PDE1C: variants seen among roughly 807,000 people sequenced by gnomAD.
PDE1C encodes the protein phosphodiesterase 1C.
Under a neutral mutation model 93.1 loss-of-function variants are expected in PDE1C, and 62 were observed. The observed-to-expected ratio is 0.67, with a 90% CI of 0.54 to 0.82. PDE1C has a LOEUF of 0.82. Ranked by LOEUF, PDE1C falls within the 40% of genes least tolerant of loss-of-function variation. PDE1C has a pLI of 0.00. For missense variants in PDE1C, 742 were observed against 884.6 expected, an observed-to-expected ratio of 0.84 and a Z score of 2.04; for synonymous variants, 325 against 310.1, an observed-to-expected ratio of 1.05 and a Z score of -0.50.
the PDE1C span, among the ~76,000 whole-genome samples, chr7:31,649,279 T>C: frequency 6.6e-6 from 1 of 152,152 alleles, no homozygotes; most frequent in African/African-American, 2.4e-5. Flanking sequence ...ATGTTGGCCA[T>C]GTAGTTTAGA....
intron 2 of PDE1C, among the ~76,000 whole-genome samples, chr7:31,973,529 T>C (rs1469564003): frequency 6.6e-6 from 1 of 152,202 alleles, no homozygotes. Flanking sequence ...GACAAGCTGA[T>C]ATACAAATGG....
the PDE1C span, among the ~76,000 whole-genome samples, chr7:31,736,655 G>A: frequency 5.3e-5 from 8 of 152,176 alleles, no homozygotes; most frequent in East Asian, 3.8e-4. Context: ...TGGAATCTGC[G>A]TGTTCAATGT....
At chr7:32,037,064 C>A (rs1476139780) in intron 2 of PDE1C, among the ~76,000 whole-genome samples, 2 of 152,124 alleles carry the variant, frequency 1.3e-5, no homozygotes, top group Non-Finnish European at 2.9e-5. Context: ...AGAAATCATA[C>A]CAGCCTTACA....
chr7:31,624,895 G>C, the PDE1C span, among the ~76,000 whole-genome samples: 2 of 152,072 alleles, frequency 1.3e-5, no homozygotes, highest in African/African-American at 4.8e-5. Flanking sequence ...CTAATATCCA[G>C]AATCTACAAT....
Position 32,420,120 on chromosome 7 carries a change from TATATACACACACACACACACAC to T in PDE1C, c.310+7680_310+7701del, listed in dbSNP as rs1187334581. 1.5e-3 allele frequency among the ~76,000 whole-genome samples: 34 copies of T among 23,166 alleles called. 3 individuals carry two copies. The highest frequency in any genetic ancestry group is 2.7e-3 in the Admixed American group (3 of 1,106). 15.2% of individuals were successfully genotyped at this position (23,166 alleles called of 152,430 possible). A position where few individuals can be genotyped will look rare whatever the true frequency, so the allele number is the denominator to read the frequency against. On this transcript the variant is annotated intron_variant, in intron 1 of 1. Coordinates refer to the PDE1C transcript ENST00000672256. Reference sequence around the variant, plus strand: ...ATATATATATATATATATATATATATATATACACACACACACACACACACACACACACACACACATATATATG... The same window carrying T: ...ATATATATATATATATATATATATATACACACACACACACACATATATATG...
upstream of PDE1C, chr7:32,070,593 C>T (rs1230098733): frequency 7.0e-7 from 1 of 1,425,982 alleles, no homozygotes; most frequent in African/African-American, 1.4e-5. Flanking sequence ...CCCAGGTGCG[C>T]TCCGGAGGCA....
At chr7:32,054,477 G>A (rs1793788931) in intron 1 of PDE1C, among the ~76,000 whole-genome samples, 1 of 152,164 alleles carries the variant, frequency 6.6e-6, no homozygotes, top group South Asian at 2.1e-4. Context: ...TTGGTCCCTA[G>A]TTCTGAGCTT....
the PDE1C span, chr7:31,642,829 A>C: frequency 6.2e-7 from 1 of 1,613,872 alleles, no homozygotes; most frequent in Non-Finnish European, 8.5e-7. Flanking sequence ...GTCTTTTTCA[A>C]GCCAAGAAGC....
intron 2 of PDE1C, among the ~76,000 whole-genome samples, chr7:31,916,050 G>T (rs561031846): frequency 3.3e-5 from 5 of 152,122 alleles, no homozygotes; most frequent in Non-Finnish European, 5.9e-5. Context: ...GGTATGGGGG[G>T]GGCACCTCTC....
chr7:32,299,146 T>G, exon 1 of PDE1C: 1 of 1,004,654 alleles, frequency 1.0e-6, no homozygotes, highest in Non-Finnish European at 1.2e-6. Flanking sequence ...CTTCACCTTC[T>G]CCTTCCGTCT....
chr7:31,633,459 A>G, the PDE1C span, among the ~76,000 whole-genome samples: 2 of 152,218 alleles, frequency 1.3e-5, no homozygotes, highest in Non-Finnish European at 2.9e-5. Context: ...AGGTGGCACC[A>G]TCCTGTCTTC....
intron 1 of PDE1C, among the ~76,000 whole-genome samples, chr7:32,224,351 C>A (rs191124209): frequency 6.6e-6 from 1 of 151,398 alleles, no homozygotes; most frequent in Non-Finnish European, 1.5e-5. Context: ...CCAGCCTGGG[C>A]GACAGTGAGA....
chr7:31,748,483 T>A (rs1332791546), downstream of PDE1C, among the ~76,000 whole-genome samples: 2 of 152,202 alleles, frequency 1.3e-5, no homozygotes, highest in Non-Finnish European at 2.9e-5. Flanking sequence ...TTGAACATTA[T>A]GAGTTAAAGA....
intron 2 of PDE1C, among the ~76,000 whole-genome samples, chr7:32,206,760 C>T (rs545951804): frequency 8.5e-4 from 130 of 152,344 alleles, no homozygotes; most frequent in African/African-American, 3.1e-3. Context: ...TGCCCACACC[C>T]GGTGGCTCTC....
intron 1 of PDE1C, among the ~76,000 whole-genome samples, chr7:32,350,051 G>A (rs1051010419): frequency 2.6e-5 from 4 of 152,116 alleles, no homozygotes; most frequent in Non-Finnish European, 4.4e-5. Context: ...GTCCTGCTTT[G>A]TGGCATTCCT....
chr7:32,380,462 G>A (rs1274427055), intron 1 of PDE1C, among the ~76,000 whole-genome samples: 1 of 147,782 alleles, frequency 6.8e-6, no homozygotes, highest in East Asian at 2.0e-4. Flanking sequence ...TAGCCAGGCT[G>A]GTCTCAAACT....
chr7:31,843,162 G>A (rs1057405088), intron 9 of PDE1C, among the ~76,000 whole-genome samples: 13 of 151,894 alleles, frequency 8.6e-5, no homozygotes, highest in African/African-American at 2.9e-4. Context: ...TACTTGAAAA[G>A]AATATGTATA....
chr7:31,677,524 T>C, the PDE1C span, among the ~76,000 whole-genome samples: 1 of 152,200 alleles, frequency 6.6e-6, no homozygotes, highest in African/African-American at 2.4e-5. Context: ...TTCATCATAC[T>C]AATCAAGCTA....
At chr7:31,907,073 G>GTGTGTGTGTA (rs773321969) in intron 2 of PDE1C, among the ~76,000 whole-genome samples, 1 of 95,260 alleles carries the variant, frequency 1.0e-5, no homozygotes, top group Non-Finnish European at 2.5e-5. Flanking sequence ...TATGTGGGGT[G>GTGTGTGTGTA]TGTGTGTGTG....
Sources: allele counts gnomAD v4.1 joint callset (sites outside exome capture counted in the v4.1 genomes callset), GRCh38; gene constraint gnomAD v4.1.1; transcripts MANE v1.5; gene names NCBI Gene and HGNC (gene_info 2026-07-23, HGNC 2026-07-21).